Variants in KDM4A observed in about 807,000 individuals in gnomAD.
KDM4A encodes the protein lysine demethylase 4A.
In KDM4A, 23 loss-of-function variants were observed where a neutral mutation model predicts 127.1. That is an observed-to-expected ratio of 0.18 (90% CI 0.13 to 0.26). KDM4A has a LOEUF of 0.26. Ranked by LOEUF, KDM4A falls within the 10% of genes least tolerant of loss-of-function variation. KDM4A has a pLI of 1.00. For synonymous variants in KDM4A, 443 were observed against 466.5 expected (o/e 0.95, Z 0.65); for missense variants, 890 against 1,329.1 (o/e 0.67, Z 5.14).
intron 21 of KDM4A, 53 bp downstream of exon 21, chr1:43,704,165 C>A: frequency 1.2e-6 from 2 of 1,613,184 alleles, no homozygotes; most frequent in South Asian, 1.1e-5. Context: ...GGGAACAAGT[C>A]AAGGATGCAT....
intron 3 of KDM4A, among the ~76,000 whole-genome samples, chr1:43,656,625 A>G (rs1660247004): frequency 6.6e-6 from 1 of 151,800 alleles, no homozygotes; most frequent in Non-Finnish European, 1.5e-5. Context: ...GGCAAGAGCC[A>G]CCACTCCTGG....
Position 43,666,948 on chromosome 1 carries a change from G to T in KDM4A, c.778-6G>T. 1 of 1,613,954 alleles carries T rather than the reference G, an allele frequency of 6.2e-7. No homozygotes were observed. The highest frequency in any genetic ancestry group is 8.5e-7 in the Non-Finnish European group (1 of 1,179,886). On this transcript the variant is annotated splice_polypyrimidine_tract_variant and splice_region_variant and intron_variant, in intron 7 of 21. Transcript: ENST00000372396. The stretch of plus-strand genomic sequence containing the variant: ...AAGCAGCTGCTTCAAGTCTGCTCTT[G>T]TTCAGGTGACTCAAGAGGCTGGAGA...
intron 3 of KDM4A, among the ~76,000 whole-genome samples, chr1:43,659,475 C>T (rs113758528): frequency 0.048 from 7,262 of 152,192 alleles, 250 homozygotes; most frequent in Non-Finnish European, 0.067. Context: ...TGTGCCACCA[C>T]GCCCCTCTAA....
chr1:43,670,566 T>C (rs1660596021), intron 10 of KDM4A, among the ~76,000 whole-genome samples: 2 of 143,168 alleles, frequency 1.4e-5, no homozygotes, highest in African/African-American at 5.2e-5. Flanking sequence ...ATTTTTTTTT[T>C]TTTTTTTTTT....
chr1:43,689,089 T>C lies in KDM4A; in HGVS notation c.2031T>C (p.Tyr677=), dbSNP rs770551103. ...HCAVCMIFQT[Y]HQVEFGGFNQ... is the part of the protein sequence containing the mutation. Reference sequence around the variant, plus strand: ...CTGTCTGTATGATCTTCCAGACTTATCATCAGGTAACCCAGCTCCATGCAC... The same window carrying C: ...CTGTCTGTATGATCTTCCAGACTTACCATCAGGTAACCCAGCTCCATGCAC... Residue 677 remains tyrosine, a synonymous_variant, in exon 13 of 22, where the codon TAT becomes TAC. Transcript: ENST00000372396. 26 of 1,613,954 alleles carry C rather than the reference T, an allele frequency of 1.6e-5. No individual in the cohort carries two copies. The highest frequency in any genetic ancestry group is 1.0e-4 in the Admixed American group (6 of 60,000).
chr1:43,662,470 TG>T (rs1660405827), intron 4 of KDM4A, among the ~76,000 whole-genome samples: 1 of 151,974 alleles, frequency 6.6e-6, no homozygotes, highest in South Asian at 2.1e-4. Flanking sequence ...TAGTTGGGCA[TG>T]GTGGTGGGTG....
rs1307472251 is a variant in KDM4A at position 43,697,888 on chromosome 1, A to G, written c.2716A>G (p.Ile906Val). 6.2e-7 allele frequency: 1 copy of G among 1,613,856 alleles called. No homozygotes were observed. The highest frequency in any genetic ancestry group is 8.5e-7 in the Non-Finnish European group (1 of 1,179,992). The part of the protein sequence containing the change: ...LQSITAGQKV[I>V]SKHKNGRFYQ... ...AAGCATCACTGCAGGCCAGAAAGTC[A>G]TTAGCAAGCATAAGAACGGGCGCTT... is the stretch of plus-strand genomic sequence containing the variant. The change falls in exon 19 of 22, where the codon ATT (isoleucine) becomes GTT (valine). Residue 906 changes from isoleucine (I) to valine (V), a missense_variant. Physicochemically the swap from Ile to Val is conservative, Grantham distance 29. Coordinates refer to ENST00000372396, the MANE Select transcript of KDM4A (RefSeq NM_014663.3).
intron 3 of KDM4A, among the ~76,000 whole-genome samples, chr1:43,659,236 T>G (rs1406263623): frequency 1.3e-5 from 2 of 152,200 alleles, no homozygotes; most frequent in Non-Finnish European, 2.9e-5. Context: ...GAGGCTACAG[T>G]AAGCTATGAT....
rs1661506965 is a variant in KDM4A, at chr1:43,704,780, TGTGTGC to T, written c.*414_*419del. The T allele has an allele frequency of 4.7e-6, 1 of 212,834 alleles. No individual in the cohort carries two copies. Among genetic ancestry groups the T allele is most frequent in the African/African-American group, 2.4e-5 (1 of 42,552 alleles). The allele number at this position is 212,834 out of a possible 1,614,324, so 13.2% of individuals were successfully genotyped here. A position where few individuals can be genotyped will look rare whatever the true frequency, so the allele number is the denominator to read the frequency against. ...ACTTTTGTATTTATATGTGTGTGTG[TGTGTGC>T]GTGCGTGCGTGCGTGCGTGTATGTT... On this transcript the variant is annotated 3_prime_UTR_variant, in exon 22 of 22. Coordinates refer to ENST00000372396, the MANE Select transcript of KDM4A (RefSeq NM_014663.3).
At chr1:43,686,863 C>T (rs1485416528) in intron 12 of KDM4A, among the ~76,000 whole-genome samples, 1 of 152,158 alleles carries the variant, frequency 6.6e-6, no homozygotes, top group Non-Finnish European at 1.5e-5. Context: ...CTGTACAGCT[C>T]AATGAAATTT....
intron 3 of KDM4A, among the ~76,000 whole-genome samples, chr1:43,657,571 T>C (rs937985406): frequency 6.6e-6 from 1 of 152,034 alleles, no homozygotes; most frequent in Non-Finnish European, 1.5e-5. Context: ...CATAAAGGCA[T>C]GTTGAAGAAA....
Position 43,694,444 on chromosome 1 carries a change from A to G in KDM4A, c.2485-265A>G, listed in dbSNP as rs1661192589. 1.3e-5 allele frequency among the ~76,000 whole-genome samples: 2 copies of G among 148,610 alleles called. No individual in the cohort carries two copies. Among genetic ancestry groups the G allele is most frequent in the African/African-American group, 5.0e-5 (2 of 39,996 alleles). The stretch of plus-strand genomic sequence containing the variant: ...GGCAGGAGAATCACTTGAACCCGGG[A>G]GGCGGAGGTTGCAGTGAGCCGATAT... On this transcript the variant is annotated intron_variant, in intron 17 of 21. Coordinates refer to ENST00000372396, the MANE Select transcript of KDM4A (RefSeq NM_014663.3). The surrounding 1 kb of genome is among the most constrained non-coding windows in gnomAD (Gnocchi z 5.2).
chr1:43,661,399 G>A (rs1660372655), intron 4 of KDM4A, among the ~76,000 whole-genome samples: 1 of 151,644 alleles, frequency 6.6e-6, no homozygotes, highest in Admixed American at 6.6e-5. Flanking sequence ...AGGAGGTCAG[G>A]AGATTGAGAC....
chr1:43,674,390 C>A (rs913192048), intron 11 of KDM4A, among the ~76,000 whole-genome samples: 1 of 152,140 alleles, frequency 6.6e-6, no homozygotes, highest in Non-Finnish European at 1.5e-5. Context: ...CCTTTTTCCT[C>A]TCAATTCGGA....
chr1:43,683,718 A>C lies in KDM4A; in HGVS notation c.1769A>C (p.Asn590Thr). The change falls in exon 12 of 22, where the codon AAT (asparagine) becomes ACT (threonine). Residue 590 changes from asparagine to threonine, a missense_variant. Coordinates refer to ENST00000372396, the MANE Select transcript of KDM4A (RefSeq NM_014663.3). The part of the protein sequence containing the change: ...ADEYMFSLEE[N>T]KKSKGRRQPL... ...GAATACATGTTTTCCCTAGAAGAGA[A>C]TAAGAAGTCCAAGGGACGCCGTCAG... The C allele has an allele frequency of 6.2e-7, 1 of 1,614,060 alleles. No individual in the cohort carries two copies. The highest frequency in any genetic ancestry group is 8.5e-7 in the Non-Finnish European group (1 of 1,180,008).
At chr1:43,663,719 G>C (rs1369279810) in intron 5 of KDM4A, among the ~76,000 whole-genome samples, 1 of 151,986 alleles carries the variant, frequency 6.6e-6, no homozygotes, top group Non-Finnish European at 1.5e-5. Flanking sequence ...GACCTCCTGG[G>C]CTCAAGTGAT....
intron 13 of KDM4A, among the ~76,000 whole-genome samples, chr1:43,690,280 C>T (rs768034014): frequency 2.0e-5 from 3 of 151,748 alleles, no homozygotes; most frequent in East Asian, 1.9e-4. Context: ...CAGTGTAGCA[C>T]GTAAGGGAGC....
rs1418482222 is a variant in KDM4A, at chr1:43,671,631, G to T, written c.1490G>T (p.Gly497Val). 1.2e-6 allele frequency: 2 copies of T among 1,613,724 alleles called. No homozygotes were observed. Among genetic ancestry groups the T allele is most frequent in the Non-Finnish European group, 1.7e-6 (2 of 1,179,832 alleles). The change falls in exon 11 of 22, where the codon GGA becomes GTA. Residue 497 changes from glycine to valine, a missense_variant. Physicochemically the swap from Gly to Val is moderately radical, Grantham distance 109. Around this residue, in one of 7 missense-constraint regions of KDM4A, gnomAD observed 389 missense variants for 485.9 expected, o/e 0.80. Coordinates refer to ENST00000372396, the MANE Select transcript of KDM4A (RefSeq NM_014663.3). ...DLSVNPASVG[G>V]RLVFSGSKKK... ...TCTGTGAATCCTGCGTCTGTAGGGG[G>T]ACGCCTTGTCTTCTCAGGCTCCAAA...
intron 4 of KDM4A, among the ~76,000 whole-genome samples, chr1:43,662,397 C>T (rs1357115938): frequency 6.6e-6 from 1 of 152,096 alleles, no homozygotes; most frequent in African/African-American, 2.4e-5. Flanking sequence ...ATCACAAGGT[C>T]AGGAGTTGAA....
Sources: allele counts gnomAD v4.1 joint callset (sites outside exome capture counted in the v4.1 genomes callset), GRCh38; gene constraint gnomAD v4.1.1; regional missense constraint gnomAD v4.1.1; non-coding constraint Gnocchi (gnomAD v3.1); transcripts MANE v1.5; gene names NCBI Gene and HGNC (gene_info 2026-07-23, HGNC 2026-07-21).